The following FADS2 variants were observed in gnomAD, a reference collection of about 807,000 sequenced individuals.
The protein encoded by FADS2 is acyl-CoA 6-desaturase.
FADS2 carries 18 observed loss-of-function variants against 61.2 expected under a neutral mutation model. The ratio of observed to expected loss-of-function variants is 0.29; its 90% CI spans 0.20 to 0.44. The LOEUF (loss-of-function observed/expected upper bound fraction) is 0.44. Ranked by LOEUF, FADS2 falls within the 20% of genes least tolerant of loss-of-function variation. The probability of loss-of-function intolerance (pLI) is 1.00; values close to 1 mark genes in which losing one functional copy is unlikely to be tolerated. For missense variants in FADS2, 322 were observed against 572.7 expected, an observed-to-expected ratio of 0.56 and a Z score of 4.47; for synonymous variants, 203 against 223.9, an observed-to-expected ratio of 0.91 and a Z score of 0.83.
At chr11:61,853,310 T>C (rs1418283246) in intron 5 of FADS2, among the ~76,000 whole-genome samples, 121 of 130,408 alleles carry the variant, frequency 9.3e-4, no homozygotes, top group African/African-American at 3.5e-3. Context: ...CTTCCTTCCT[T>C]CCTTCCTTCC....
At chr11:61,835,636 C>T (rs1460179863) in intron 1 of FADS2, among the ~76,000 whole-genome samples, 2 of 151,082 alleles carry the variant, frequency 1.3e-5, no homozygotes, top group Non-Finnish European at 1.5e-5. Context: ...AAACTTCTGG[C>T]CTCAGGCAAT....
intron 4 of FADS2, among the ~76,000 whole-genome samples, chr11:61,845,132 T>G (rs1364182143): frequency 6.9e-6 from 1 of 145,804 alleles, no homozygotes; most frequent in Non-Finnish European, 1.5e-5. Flanking sequence ...TCCTCTGGCT[T>G]CTGGAGCACT....
intron 10 of FADS2, chr11:61,864,156 C>T (rs965584382): frequency 1.4e-5 from 3 of 219,418 alleles, no homozygotes; most frequent in Non-Finnish European, 2.7e-5. Flanking sequence ...TGCCCTGCTG[C>T]CCCTTGTCCT....
At chr11:61,834,853 C>A (rs1387684419) in intron 1 of FADS2, among the ~76,000 whole-genome samples, 3 of 152,104 alleles carry the variant, frequency 2.0e-5, no homozygotes, top group Admixed American at 6.5e-5. Flanking sequence ...CTCCCAGGGC[C>A]TTGCTCATTT....
intron 7 of FADS2, among the ~76,000 whole-genome samples, chr11:61,859,525 G>A (rs1258037764): frequency 6.6e-6 from 1 of 152,166 alleles, no homozygotes; most frequent in Non-Finnish European, 1.5e-5. Flanking sequence ...TTCAATGTAA[G>A]TCCTCTCCTC....
At chr11:61,824,403 A>G (rs2067054665), upstream of FADS2, among the ~76,000 whole-genome samples, 2 of 5,168 alleles carry the variant, frequency 3.9e-4, no homozygotes, top group Non-Finnish European at 1.6e-3. Context: ...AAAGAGAGAG[A>G]GAGAGAGAGA....
At position 61,816,677 on chromosome 11, in the gene FADS2, G is replaced by T; in HGVS notation, c.141+251G>T. 1.9e-6 allele frequency: 3 copies of T among 1,591,932 alleles called. No individual in the cohort carries two copies. Among genetic ancestry groups the T allele is most frequent in the Non-Finnish European group, 2.6e-6 (3 of 1,169,980 alleles). On this transcript the variant is annotated intron_variant, in intron 1 of 11. Transcript: ENST00000257261. The surrounding 1 kb of genome is among the most constrained non-coding windows in gnomAD (Gnocchi z 7.0). ...AGCCACCGCTCCTCGCACCCTGAGC[G>T]CTGGGCCACCTCGTCCCAGGTGAAG...
At chr11:61,840,943 C>T (rs918971582) in intron 4 of FADS2, among the ~76,000 whole-genome samples, 1 of 152,192 alleles carries the variant, frequency 6.6e-6, no homozygotes, top group Non-Finnish European at 1.5e-5. Context: ...ATTATGAAGA[C>T]AGGCACACAC....
intron 1 of FADS2, among the ~76,000 whole-genome samples, chr11:61,837,494 C>T (rs2067183444): frequency 6.6e-6 from 1 of 152,218 alleles, no homozygotes; most frequent in African/African-American, 2.4e-5. Flanking sequence ...TCACCATTTC[C>T]CGACCTGCCC....
intron 1 of FADS2, among the ~76,000 whole-genome samples, chr11:61,821,228 C>T (rs2067034106): frequency 6.6e-6 from 1 of 152,098 alleles, no homozygotes; most frequent in South Asian, 2.1e-4. Flanking sequence ...AGCTTAAGAC[C>T]CTAATGCCAG....
At chr11:61,824,179 C>T (rs554562227), upstream of FADS2, among the ~76,000 whole-genome samples, 54 of 151,644 alleles carry the variant, frequency 3.6e-4, no homozygotes, top group Admixed American at 7.9e-4. Context: ...GTCGGGAGTT[C>T]GAGACCAACC....
chr11:61,836,685 A>G (rs988567600), intron 1 of FADS2, among the ~76,000 whole-genome samples: 1 of 152,174 alleles, frequency 6.6e-6, no homozygotes, highest in African/African-American at 2.4e-5. Context: ...TGCAGTTTTT[A>G]TATCATTTTA....
At chr11:61,841,811 C>T (rs1024072003) in intron 4 of FADS2, among the ~76,000 whole-genome samples, 6 of 152,052 alleles carry the variant, frequency 3.9e-5, no homozygotes, top group Admixed American at 1.3e-4. Context: ...TAGGGGACAC[C>T]AAACTACGGA....
intron 1 of FADS2, among the ~76,000 whole-genome samples, chr11:61,834,376 G>A (rs1401094428): frequency 6.6e-6 from 1 of 152,246 alleles, no homozygotes; most frequent in East Asian, 1.9e-4. Flanking sequence ...CCAGGACTTT[G>A]CTTCCTGAGC....
At chr11:61,847,770 A>T (rs920730022) in intron 4 of FADS2, 2 of 238,876 alleles carry the variant, frequency 8.4e-6, no homozygotes, top group South Asian at 1.2e-4. Flanking sequence ...TGGGCCACAT[A>T]GTAGGGACCA....
intron 1 of FADS2, among the ~76,000 whole-genome samples, chr11:61,835,929 A>C (rs1268645874): frequency 6.6e-6 from 1 of 152,240 alleles, no homozygotes; most frequent in Non-Finnish European, 1.5e-5. Flanking sequence ...ACATCATCAC[A>C]GTACCTTTGT....
intron 1 of FADS2, among the ~76,000 whole-genome samples, chr11:61,820,225 G>C (rs1386526222): frequency 6.6e-6 from 1 of 151,932 alleles, no homozygotes; most frequent in East Asian, 1.9e-4. Flanking sequence ...CATTCATTAA[G>C]TGTTTTATTT....
intron 4 of FADS2, among the ~76,000 whole-genome samples, chr11:61,844,222 G>A (rs174585): frequency 0.16 from 24,435 of 152,178 alleles, 2,548 homozygotes; most frequent in Admixed American, 0.26. Context: ...TACCAAAACA[G>A]AACTTATTAT....
At chr11:61,826,298 G>C (rs1471623064), upstream of FADS2, 2 of 702,530 alleles carry the variant, frequency 2.8e-6, no homozygotes, top group Non-Finnish European at 5.2e-6. Context: ...ACCCTGGCTG[G>C]TACTGTGCTG....
Sources: allele counts gnomAD v4.1 joint callset (sites outside exome capture counted in the v4.1 genomes callset), GRCh38; gene constraint gnomAD v4.1.1; non-coding constraint Gnocchi (gnomAD v3.1); transcripts MANE v1.5; gene names NCBI Gene and HGNC (gene_info 2026-07-23, HGNC 2026-07-21).